The following AGAP1 variants were observed in gnomAD, a reference collection of about 807,000 sequenced individuals.
AGAP1 encodes the protein ArfGAP with GTPase domain, ankyrin repeat and PH domain 1.
Under a neutral mutation model 105.3 loss-of-function variants are expected in AGAP1, and 29 were observed. The observed-to-expected ratio is 0.28, with a 90% CI of 0.21 to 0.38. The LOEUF is 0.38. Ranked by LOEUF, AGAP1 falls within the 10% of genes least tolerant of loss-of-function variation. The pLI is 1.00. For synonymous variants in AGAP1, 509 were observed against 485.9 expected (o/e 1.05, Z -0.63); for missense variants, 998 against 1,165.1 (o/e 0.86, Z 2.09).
At chr2:235,649,427 G>A (rs1356882877) in intron 1 of AGAP1, among the ~76,000 whole-genome samples, 1 of 152,220 alleles carries the variant, frequency 6.6e-6, no homozygotes, top group Non-Finnish European at 1.5e-5. Flanking sequence ...AGGCTGGGGT[G>A]TAGTGGTATG....
chr2:235,589,174 A>G lies in AGAP1; in HGVS notation c.163+94325A>G, dbSNP rs950493655. 1.5e-4 allele frequency among the ~76,000 whole-genome samples: 21 copies of G among 138,430 alleles called. 1 individual carries two copies. The highest frequency in any genetic ancestry group is 2.9e-4 in the Non-Finnish European group (19 of 64,888). 90.8% of individuals were successfully genotyped at this position (138,430 alleles called of 152,430 possible). ...AGAAAAGGAGATTTTGAGAACTACC[A>G]GTTAATAGCTTATTGTTTTGTTTTT... On this transcript the variant is annotated intron_variant, in intron 1 of 17. Transcript: ENST00000304032.
intron 10 of AGAP1, among the ~76,000 whole-genome samples, chr2:235,884,860 A>ACAGCAGCAG (rs10526218): frequency 7.6e-4 from 115 of 151,274 alleles, no homozygotes; most frequent in East Asian, 4.3e-3. Flanking sequence ...AGTAATAGTC[A>ACAGCAGCAG]CAGCAGCAGC....
chr2:235,923,334 T>G (rs1353611294), intron 11 of AGAP1, among the ~76,000 whole-genome samples: 2 of 152,194 alleles, frequency 1.3e-5, no homozygotes. Flanking sequence ...TGACCTGACC[T>G]CTGCATTCAC....
At position 235,879,090 on chromosome 2, in the gene AGAP1, G is replaced by A. The variant is rs141611594; in HGVS notation, c.1051-4255G>A. ...CAGTGTCCTGGCAGGAGTGAAGACG[G>A]CAGGAGAGCTGGCCCTGCCACATTC... On this transcript the variant is annotated intron_variant, in intron 9 of 17. Transcript: ENST00000304032. This position sits in a 1 kb window ranked among gnomAD's most constrained non-coding sequence, Gnocchi z 5.0. Among the ~76,000 whole-genome samples the A allele has an allele frequency of 6.3e-3, 956 of 152,322 alleles. 10 individuals carry two copies. The highest frequency in any genetic ancestry group is 0.022 in the African/African-American group (908 of 41,578).
chr2:235,827,604 G>T (rs1344792954), intron 9 of AGAP1, among the ~76,000 whole-genome samples: 1 of 152,170 alleles, frequency 6.6e-6, no homozygotes, highest in Non-Finnish European at 1.5e-5. Context: ...CCCTTGGAAG[G>T]AAGGGGAGAG....
At chr2:235,661,281 C>G (rs1395219772) in intron 1 of AGAP1, among the ~76,000 whole-genome samples, 1 of 151,926 alleles carries the variant, frequency 6.6e-6, no homozygotes, top group Non-Finnish European at 1.5e-5. Flanking sequence ...GAGAGGCAGG[C>G]TGTTTCTGTT....
chr2:235,852,728 C>G (rs1394946842), intron 9 of AGAP1: 5 of 1,538,658 alleles, frequency 3.2e-6, no homozygotes, highest in Non-Finnish European at 4.4e-6. Flanking sequence ...CAGCACTTAT[C>G]TCAGGCCTGC....
chr2:235,794,586 C>G (rs892937940), intron 6 of AGAP1, among the ~76,000 whole-genome samples: 1 of 152,166 alleles, frequency 6.6e-6, no homozygotes, highest in Admixed American at 6.5e-5. Flanking sequence ...ATTCTCGTGC[C>G]TCAGCCTCCC....
Position 236,100,120 on chromosome 2 carries a change from C to T in AGAP1, c.2115-20072C>T, listed in dbSNP as rs183173642. On this transcript the variant is annotated intron_variant, in intron 16 of 17. Transcript: ENST00000304032. ...CTTCTGAGCACTGGGCCTTTGCAAC[C>T]GTAGAGATCCACACCCATGCAGCCA... Among the ~76,000 whole-genome samples the T allele has an allele frequency of 6.4e-3, 967 of 152,238 alleles. 4 individuals carry two copies. Among genetic ancestry groups the T allele is most frequent in the Admixed American group, 9.9e-3 (152 of 15,292 alleles).
intron 1 of AGAP1, among the ~76,000 whole-genome samples, chr2:235,525,535 A>G (rs981957933): frequency 2.0e-5 from 3 of 152,144 alleles, no homozygotes; most frequent in South Asian, 4.1e-4. Context: ...TGGAGGACTG[A>G]TTTATAAAGT....
rs1463235218 is a variant in AGAP1, at chr2:236,120,100, C to G, written c.2115-92C>G. ...CTTTGCTTTCTGTTATTTCACTTCC[C>G]TCTCGGCTTCTCCCGACCACACTGG... On this transcript the variant is annotated intron_variant, in intron 16 of 17. Coordinates refer to ENST00000304032, the MANE Select transcript of AGAP1 (RefSeq NM_001037131.3). The surrounding 1 kb of genome is among the most constrained non-coding windows in gnomAD (Gnocchi z 6.0). The G allele has an allele frequency of 1.3e-6, 2 of 1,516,322 alleles. No homozygotes were observed. Among genetic ancestry groups the G allele is most frequent in the Non-Finnish European group, 1.8e-6 (2 of 1,129,668 alleles). The allele number at this position is 1,516,322 out of a possible 1,614,324, so 93.9% of individuals were successfully genotyped here. A position where few individuals can be genotyped will look rare whatever the true frequency, so the allele number is the denominator to read the frequency against.
At chr2:235,518,130 G>A (rs1942471820) in intron 1 of AGAP1, among the ~76,000 whole-genome samples, 2 of 152,100 alleles carry the variant, frequency 1.3e-5, no homozygotes, top group Non-Finnish European at 2.9e-5. Context: ...AGTGCATAAG[G>A]GCTGTGCCCA....
Position 235,971,915 on chromosome 2 carries a change from A to G in AGAP1, c.1645+3292A>G, listed in dbSNP as rs1474679825. Among the ~76,000 whole-genome samples the G allele has an allele frequency of 1.3e-5, 2 of 151,396 alleles. No individual in the cohort carries two copies. The highest frequency in any genetic ancestry group is 1.3e-4 in the Admixed American group (2 of 15,198). The stretch of plus-strand genomic sequence containing the variant: ...CACCTCAGCCTCCCAAGTAGCTGGG[A>G]CCACAGGCAGGCACCACGACACCTG... On this transcript the variant is annotated intron_variant, in intron 13 of 17. Coordinates refer to ENST00000304032, the MANE Select transcript of AGAP1 (RefSeq NM_001037131.3). This position sits in a 1 kb window ranked among gnomAD's most constrained non-coding sequence, Gnocchi z 4.8.
At chr2:235,704,028 G>A (rs781388522) in intron 1 of AGAP1, among the ~76,000 whole-genome samples, 6 of 152,152 alleles carry the variant, frequency 3.9e-5, no homozygotes, top group African/African-American at 7.2e-5. Flanking sequence ...AAAGTTAACC[G>A]AGGTCACTGT....
At chr2:236,004,154 A>G (rs1008387356) in intron 13 of AGAP1, among the ~76,000 whole-genome samples, 3 of 152,134 alleles carry the variant, frequency 2.0e-5, no homozygotes, top group African/African-American at 7.2e-5. Context: ...CTCAGGAAAG[A>G]TGCTCATTTT....
chr2:235,882,374 A>G lies in AGAP1; in HGVS notation c.1051-971A>G, dbSNP rs1427931033. ...ATCCTCCGGGCTCTTAGGAAATTTC[A>G]CTCCGCTTCTGCCCAGTGGTCTCTT... On this transcript the variant is annotated intron_variant, in intron 9 of 17. Transcript: ENST00000304032. The surrounding 1 kb of genome is among the most constrained non-coding windows in gnomAD (Gnocchi z 4.6). 1 of 1,486,212 alleles carries G rather than the reference A, an allele frequency of 6.7e-7. No homozygotes were observed. Among genetic ancestry groups the G allele is most frequent in the East Asian group, 2.3e-5 (1 of 42,742 alleles). 92.1% of individuals were successfully genotyped at this position (1,486,212 alleles called of 1,614,324 possible). A position where few individuals can be genotyped will look rare whatever the true frequency, so the allele number is the denominator to read the frequency against.
chr2:235,941,769 C>T (rs534882120), intron 12 of AGAP1, among the ~76,000 whole-genome samples: 1 of 152,180 alleles, frequency 6.6e-6, no homozygotes, highest in African/African-American at 2.4e-5. Flanking sequence ...CAATCAAATG[C>T]TGCCAAGAAC....
rs1434632465 is a variant in AGAP1 at position 235,521,738 on chromosome 2, ATATATGTGTGTGTGTG to A, written c.163+26891_163+26906del. ...CCAGTTTCTTGTTTTTGTTTGTTAT[ATATATGTGTGTGTGTG>A]TGTGTGTGTGTGTGTGTGTGTGTGT... is the stretch of plus-strand genomic sequence containing the variant. On this transcript the variant is annotated intron_variant, in intron 1 of 17. Transcript: ENST00000304032. Among the ~76,000 whole-genome samples the A allele has an allele frequency of 2.9e-3, 334 of 116,736 alleles. 4 individuals carry two copies. The highest frequency in any genetic ancestry group is 0.015 in the African/African-American group (313 of 21,304). 76.6% of individuals were successfully genotyped at this position (116,736 alleles called of 152,430 possible).
intron 1 of AGAP1, among the ~76,000 whole-genome samples, chr2:235,509,409 A>G (rs1238764224): frequency 2.0e-5 from 3 of 151,578 alleles, no homozygotes; most frequent in South Asian, 2.1e-4. Flanking sequence ...TAATTTTTGT[A>G]TTTTTAGTAG....
Sources: gnomAD v4.1 joint callset for allele counts (sites outside exome capture counted in the v4.1 genomes callset) on GRCh38, gnomAD v4.1.1 for gene constraint, Gnocchi (gnomAD v3.1) non-coding constraint, MANE v1.5 for transcripts, NCBI Gene and HGNC (gene_info 2026-07-23, HGNC 2026-07-21) for gene names.